The following CSRP2 variants were observed in gnomAD, a reference collection of about 807,000 sequenced individuals.
CSRP2 encodes the protein cysteine and glycine rich protein 2, also known as cysteine and glycine-rich protein 2.
A neutral mutation model predicts 24.6 loss-of-function variants in CSRP2; 18 were observed. The observed-to-expected ratio is 0.73, with a 90% CI of 0.51 to 1.09. The LOEUF is 1.09. CSRP2 is among the 50% of genes least tolerant of loss of function. CSRP2 has a pLI of 0.00. For synonymous variants in CSRP2, 87 were observed against 84.3 expected, an observed-to-expected ratio of 1.03 and a Z score of -0.18; for missense variants, 215 against 239.4, an observed-to-expected ratio of 0.90 and a Z score of 0.67.
intron 1 of CSRP2, among the ~76,000 whole-genome samples, chr12:76,875,891 G>T (rs1395130790): frequency 1.3e-5 from 2 of 152,168 alleles, no homozygotes; most frequent in Non-Finnish European, 2.9e-5. Context: ...GAGGCATAGA[G>T]CTATTAAATG....
At chr12:76,870,997 AAAAG>A in intron 1 of CSRP2, among the ~76,000 whole-genome samples, 1 of 151,428 alleles carries the variant, frequency 6.6e-6, no homozygotes, top group African/African-American at 2.4e-5. Context: ...AAAAAAAAAA[AAAAG>A]TGGATGGTGA....
chr12:76,862,609 A>C (rs1175018951), intron 3 of CSRP2: 1 of 604,992 alleles, frequency 1.7e-6, no homozygotes, highest in East Asian at 3.6e-5. Context: ...AATATGAAAT[A>C]CTAAGTGAAC....
intron 1 of CSRP2, among the ~76,000 whole-genome samples, chr12:76,878,671 T>G (rs1953875922): frequency 6.6e-6 from 1 of 152,230 alleles, no homozygotes; most frequent in African/African-American, 2.4e-5. Context: ...ATTATTTACC[T>G]GCCCCGCGGG....
chr12:76,875,254 C>G (rs908383318), intron 1 of CSRP2, among the ~76,000 whole-genome samples: 1 of 152,178 alleles, frequency 6.6e-6, no homozygotes, highest in South Asian at 2.1e-4. Context: ...TTTATTACCC[C>G]TCTCTGCTAA....
chr12:76,862,808 A>G (rs1953696177), intron 3 of CSRP2: 1 of 1,469,028 alleles, frequency 6.8e-7, no homozygotes, highest in Non-Finnish European at 8.9e-7. Context: ...TTGGCTGCTT[A>G]CATTGCACAT....
intron 1 of CSRP2, chr12:76,878,265 C>A (rs747648374): frequency 8.5e-5 from 13 of 152,320 alleles, no homozygotes; most frequent in Non-Finnish European, 1.9e-4. Context: ...CTTCTTTGTA[C>A]CTGAATCGTA....
intron 1 of CSRP2, among the ~76,000 whole-genome samples, chr12:76,875,675 A>C (rs1456366404): frequency 6.6e-6 from 1 of 152,230 alleles, no homozygotes; most frequent in Non-Finnish European, 1.5e-5. Flanking sequence ...AATGGGGACA[A>C]TGCTTATTTA....
chr12:76,871,008 G>A (rs1953791169), intron 1 of CSRP2, among the ~76,000 whole-genome samples: 1 of 147,298 alleles, frequency 6.8e-6, no homozygotes, highest in African/African-American at 2.5e-5. Context: ...AAAGTGGATG[G>A]TGATAGTTGA....
intron 1 of CSRP2, among the ~76,000 whole-genome samples, chr12:76,877,774 C>G (rs1953865758): frequency 6.6e-6 from 1 of 152,154 alleles, no homozygotes; most frequent in Non-Finnish European, 1.5e-5. Context: ...TAGATTCTCC[C>G]TTTCAAAATC....
chr12:76,863,169 A>G lies in CSRP2; in HGVS notation c.281+7T>C. ...TTCTGAAGGTAACCAACGGTCTCCC[A>G]ACTCACCTCTCTGGTTTGATGCCCA... On this transcript the variant is annotated splice_region_variant and intron_variant, in intron 3 of 5. Transcript: ENST00000311083. 6.2e-7 allele frequency: 1 copy of G among 1,608,534 alleles called. No individual in the cohort carries two copies. Among genetic ancestry groups the G allele is most frequent in the Non-Finnish European group, 8.5e-7 (1 of 1,176,046 alleles).
At position 76,860,379 on chromosome 12, in the gene CSRP2, T is replaced by C. The variant is rs1953663220; in HGVS notation, c.316A>G (p.Thr106Ala). ...CCATATTTCTGAGCAAATTTAGAAGTGTTTGGATTTGTTGTAGGCCTGTGA... is the reference window on the plus strand; with the variant it reads ...CCATATTTCTGAGCAAATTTAGAAGCGTTTGGATTTGTTGTAGGCCTGTGA... ...QPHRPTTNPN[T>A]SKFAQKYGGA... The change falls in exon 4 of 6, where the codon ACT (threonine) becomes GCT (alanine). Residue 106 changes from threonine to alanine, a missense_variant. By Grantham distance (58) the Thr-to-Ala change is moderately conservative. Transcript: ENST00000311083. 1.9e-6 allele frequency: 3 copies of C among 1,613,908 alleles called. No individual in the cohort carries two copies. The highest frequency in any genetic ancestry group is 8.5e-7 in the Non-Finnish European group (1 of 1,179,972).
At chr12:76,873,593 G>A (rs767834961) in intron 1 of CSRP2, among the ~76,000 whole-genome samples, 7 of 152,154 alleles carry the variant, frequency 4.6e-5, no homozygotes, top group South Asian at 2.1e-4. Flanking sequence ...TGGAGTCCAC[G>A]AAGTGTCATT....
At position 76,866,038 on chromosome 12, in the gene CSRP2, G is replaced by C; in HGVS notation, c.112+111C>G. On this transcript the variant is annotated intron_variant, in intron 2 of 5. Transcript: ENST00000311083. ...CTAAGAAGACAGGTAAAAACCATTCGTGCTTTCAAAATGATCTTTGTTGGC... is the reference window on the plus strand; with the variant it reads ...CTAAGAAGACAGGTAAAAACCATTCCTGCTTTCAAAATGATCTTTGTTGGC... The C allele has an allele frequency of 6.6e-6, 5 of 759,432 alleles. No individual in the cohort carries two copies. In the South Asian group the frequency reaches 8.7e-5, roughly 13 times the overall value. The allele number at this position is 759,432 out of a possible 1,614,324, so 47.0% of individuals were successfully genotyped here.
chr12:76,871,470 G>A (rs1336587371), intron 1 of CSRP2, among the ~76,000 whole-genome samples: 1 of 152,210 alleles, frequency 6.6e-6, no homozygotes, highest in South Asian at 2.1e-4. Flanking sequence ...GGTGGTGACT[G>A]TCTAAGAAAC....
intron 1 of CSRP2, among the ~76,000 whole-genome samples, chr12:76,877,284 A>G (rs748579644): frequency 2.0e-5 from 3 of 152,208 alleles, no homozygotes; most frequent in Non-Finnish European, 2.9e-5. Flanking sequence ...ATCTCCCCCA[A>G]ATCCAAGTGA....
chr12:76,871,026 T>C (rs545022301), intron 1 of CSRP2, among the ~76,000 whole-genome samples: 24 of 150,650 alleles, frequency 1.6e-4, no homozygotes, highest in African/African-American at 5.6e-4. Flanking sequence ...TGAATATTCC[T>C]TATATTGTTC....
chr12:76,876,721 C>T (rs1953855604), intron 1 of CSRP2, among the ~76,000 whole-genome samples: 1 of 152,226 alleles, frequency 6.6e-6, no homozygotes, highest in Admixed American at 6.5e-5. Context: ...CTGTGAACAT[C>T]TGCACAGAGA....
At position 76,863,278 on chromosome 12, in the gene CSRP2, G is replaced by A. The variant is rs1378738344; in HGVS notation, c.179C>T (p.Ser60Phe). 1 of 1,614,222 alleles carries A rather than the reference G, an allele frequency of 6.2e-7. No individual in the cohort carries two copies. The highest frequency in any genetic ancestry group is 2.2e-5 in the East Asian group (1 of 44,888). The change falls in exon 3 of 6, where the codon TCC (serine) becomes TTC (phenylalanine). Residue 60 changes from serine to phenylalanine, a missense_variant. Transcript: ENST00000311083. The stretch of plus-strand genomic sequence containing the variant: ...TGGCCCATACTTCTTTCCGTAGCAG[G>A]ATTTGCAGTAGATCTCTTCATCGTG... ...AIHDEEIYCK[S>F]CYGKKYGPKG...
chr12:76,860,595 T>TA, intron 3 of CSRP2, 182 bp from the exon 4 acceptor site: 1 of 593,554 alleles, frequency 1.7e-6, no homozygotes. Flanking sequence ...CCAGAGTTAC[T>TA]ACTTGAACCT....
Sources: allele counts gnomAD v4.1 joint callset (sites outside exome capture counted in the v4.1 genomes callset), GRCh38; gene constraint gnomAD v4.1.1; transcripts MANE v1.5; gene names NCBI Gene and HGNC (gene_info 2026-07-23, HGNC 2026-07-21).